Variants in INTS12 observed in about 807,000 individuals in gnomAD.
The protein encoded by INTS12 is PHD finger protein 22.
In INTS12, 13 loss-of-function variants were observed where a neutral mutation model predicts 41.6. That is an observed-to-expected ratio of 0.31 (90% CI 0.20 to 0.50). The LOEUF is 0.50. Among genes scored for constraint, INTS12 ranks in the 20% least tolerant of loss-of-function variants. The pLI, the probability that INTS12 is intolerant of heterozygous loss-of-function variation, is 0.98. For missense variants in INTS12, 432 were observed against 541.6 expected, an observed-to-expected ratio of 0.80 and a Z score of 2.01; for synonymous variants, 199 against 191.4, an observed-to-expected ratio of 1.04 and a Z score of -0.33.
chr4:105,706,974 C>A (rs557433424), intron 1 of INTS12, among the ~76,000 whole-genome samples: 2 of 151,806 alleles, frequency 1.3e-5, no homozygotes, highest in Non-Finnish European at 2.9e-5. Flanking sequence ...AAAAAAAATT[C>A]TTGCTGAGAA....
intron 6 of INTS12, among the ~76,000 whole-genome samples, chr4:105,690,924 A>G (rs1020892387): frequency 3.3e-5 from 5 of 152,208 alleles, no homozygotes; most frequent in African/African-American, 9.7e-5. Flanking sequence ...TTTAAATAAT[A>G]AATTAAATAA....
intron 2 of INTS12, chr4:105,700,363 T>A (rs1276749411): frequency 6.4e-6 from 1 of 155,708 alleles, no homozygotes; most frequent in African/African-American, 2.4e-5. Context: ...TGGGTTTACG[T>A]CAAGTTTACT....
intron 4 of INTS12, among the ~76,000 whole-genome samples, chr4:105,693,915 A>G (rs1182577163): frequency 6.6e-6 from 1 of 152,222 alleles, no homozygotes; most frequent in Non-Finnish European, 1.5e-5. Flanking sequence ...CTGATAAGAC[A>G]TGGAATTTGG....
chr4:105,687,040 AAAGAT>A, intron 6 of INTS12: 1 of 565,318 alleles, frequency 1.8e-6, no homozygotes, highest in Non-Finnish European at 3.1e-6. Context: ...TCTAAACAGT[AAAGAT>A]AATATTAAGC....
chr4:105,704,964 T>A (rs1235818518), intron 1 of INTS12, among the ~76,000 whole-genome samples: 1 of 152,230 alleles, frequency 6.6e-6, no homozygotes, highest in East Asian at 1.9e-4. Flanking sequence ...ATCACTCTTG[T>A]CATCCCTTTA....
At chr4:105,699,446 T>C (rs775708555) in intron 3 of INTS12, among the ~76,000 whole-genome samples, 45 of 152,170 alleles carry the variant, frequency 3.0e-4, no homozygotes, top group Admixed American at 1.3e-4. Flanking sequence ...TAAATTATCC[T>C]ACCCATATTC....
chr4:105,698,532 A>T (rs1731950918), intron 3 of INTS12, among the ~76,000 whole-genome samples: 1 of 150,412 alleles, frequency 6.6e-6, no homozygotes, highest in Non-Finnish European at 1.5e-5. Flanking sequence ...ATAAACTTCC[A>T]TTTTAGAACC....
intron 2 of INTS12, chr4:105,702,917 ATC>A (rs1276966655): frequency 1.0e-6 from 1 of 984,632 alleles, no homozygotes; most frequent in African/African-American, 1.8e-5. Flanking sequence ...GCCTTCTCTA[ATC>A]TCTGTTACTT....
chr4:105,695,475 C>T (rs764868914), intron 4 of INTS12, 41 bp downstream of exon 4: 2 of 1,503,442 alleles, frequency 1.3e-6, no homozygotes, highest in Non-Finnish European at 1.8e-6. Flanking sequence ...TATGGAACAA[C>T]TAATTTACTT....
chr4:105,700,259 G>A (rs758483910), intron 2 of INTS12: 133 of 238,730 alleles, frequency 5.6e-4, no homozygotes, highest in Middle Eastern at 2.5e-3. Flanking sequence ...CGATGGTAAC[G>A]TTTTAAATCC....
intron 6 of INTS12, among the ~76,000 whole-genome samples, chr4:105,689,160 G>A (rs921329846): frequency 8.5e-5 from 13 of 152,166 alleles, no homozygotes; most frequent in South Asian, 2.1e-4. Flanking sequence ...CCACTACTGC[G>A]TAGAGAGAAA....
chr4:105,696,040 T>A (rs1334066459), intron 3 of INTS12, among the ~76,000 whole-genome samples: 1 of 152,090 alleles, frequency 6.6e-6, no homozygotes, highest in Non-Finnish European at 1.5e-5. Flanking sequence ...TCAGTACAGA[T>A]GGCGTTTCAC....
chr4:105,686,021 T>C (rs1156309095), intron 7 of INTS12, among the ~76,000 whole-genome samples: 1 of 152,040 alleles, frequency 6.6e-6, no homozygotes, highest in East Asian at 1.9e-4. Context: ...GGGAGCAAAA[T>C]TGTTGCTACT....
chr4:105,690,235 A>G (rs1387437123), intron 6 of INTS12, among the ~76,000 whole-genome samples: 1 of 152,202 alleles, frequency 6.6e-6, no homozygotes, highest in African/African-American at 2.4e-5. Context: ...CGGGTCAAAA[A>G]GAGAAGGTCC....
At chr4:105,698,187 T>A (rs139964617) in intron 3 of INTS12, among the ~76,000 whole-genome samples, 266 of 152,364 alleles carry the variant, frequency 1.7e-3, no homozygotes, top group African/African-American at 6.1e-3. Flanking sequence ...AAGTTTTAAC[T>A]CCATTATTTC....
At chr4:105,704,065 A>G (rs1455962971) in intron 1 of INTS12, among the ~76,000 whole-genome samples, 1 of 150,022 alleles carries the variant, frequency 6.7e-6, no homozygotes, top group Non-Finnish European at 1.5e-5. Flanking sequence ...GACATTAAAT[A>G]TATTCAAACA....
At chr4:105,699,380 A>G (rs1175691336) in intron 3 of INTS12, among the ~76,000 whole-genome samples, 2 of 152,172 alleles carry the variant, frequency 1.3e-5, no homozygotes, top group Non-Finnish European at 2.9e-5. Context: ...CTGCTTTGTT[A>G]TTATCAAGAC....
intron 6 of INTS12, among the ~76,000 whole-genome samples, chr4:105,689,942 T>TA: frequency 6.6e-6 from 1 of 152,170 alleles, no homozygotes. Flanking sequence ...TCATTTTATT[T>TA]AACTTAAGAA....
intron 1 of INTS12, among the ~76,000 whole-genome samples, chr4:105,706,961 A>T (rs1479079838): frequency 7.4e-6 from 1 of 134,998 alleles, no homozygotes; most frequent in Non-Finnish European, 1.8e-5. Context: ...TCATTAAAAT[A>T]AAAAAAAAAA....
Sources: allele counts gnomAD v4.1 joint callset (sites outside exome capture counted in the v4.1 genomes callset), GRCh38; gene constraint gnomAD v4.1.1; transcripts MANE v1.5; gene names NCBI Gene and HGNC (gene_info 2026-07-23, HGNC 2026-07-21).